The following BCAS3 variants were observed in gnomAD, a reference collection of about 807,000 sequenced individuals.
BCAS3 encodes BCAS3 microtubule associated cell migration factor, also known as BCAS4/BCAS3 fusion.
BCAS3 carries 53 observed loss-of-function variants against 116.1 expected under a neutral mutation model. The observed-to-expected ratio is 0.46, with a 90% CI of 0.37 to 0.57. The LOEUF (loss-of-function observed/expected upper bound fraction) is 0.57. Among genes scored for constraint, BCAS3 ranks in the 20% least tolerant of loss-of-function variants. BCAS3 has a pLI of 0.00. For synonymous variants in BCAS3, 391 were observed against 408.2 expected (o/e 0.96, Z 0.51); for missense variants, 917 against 1,165.4 (o/e 0.79, Z 3.10).
chr17:60,970,201 G>T (rs927931597), intron 14 of BCAS3, among the ~76,000 whole-genome samples: 2 of 152,142 alleles, frequency 1.3e-5, no homozygotes, highest in African/African-American at 2.4e-5. Context: ...GGGTGCTAGG[G>T]TGGAGGCAGG....
rs2063795729 is a variant in BCAS3, at chr17:60,995,696, T to G, written c.1486+5461T>G. 1.3e-5 allele frequency among the ~76,000 whole-genome samples: 2 copies of G among 152,208 alleles called. No individual in the cohort carries two copies. The highest frequency in any genetic ancestry group is 6.5e-5 in the Admixed American group (1 of 15,280). On this transcript the variant is annotated intron_variant, in intron 15 of 23. Coordinates refer to ENST00000407086, the MANE Select transcript of BCAS3 (RefSeq NM_017679.5). The surrounding 1 kb of genome is among the most constrained non-coding windows in gnomAD (Gnocchi z 4.7). ...ATAATTACTTGTTAGAATGAAGAGCTTTTTATTCATAGTAACAACTTAAAA... is the reference window on the plus strand; with the variant it reads ...ATAATTACTTGTTAGAATGAAGAGCGTTTTATTCATAGTAACAACTTAAAA...
intron 9 of BCAS3, among the ~76,000 whole-genome samples, chr17:60,878,256 C>T (rs553411456): frequency 1.3e-5 from 2 of 152,148 alleles, no homozygotes; most frequent in Non-Finnish European, 2.9e-5. Flanking sequence ...GTGATCTGCC[C>T]GCCTTGGCCT....
At chr17:60,797,233 A>G (rs762662212) in intron 6 of BCAS3, among the ~76,000 whole-genome samples, 4 of 152,102 alleles carry the variant, frequency 2.6e-5, no homozygotes, top group Admixed American at 2.6e-4. Context: ...ATCCGTTTCA[A>G]TATACCACAT....
chr17:61,329,343 A>AT (rs35909318), intron 22 of BCAS3, among the ~76,000 whole-genome samples: 42,105 of 130,848 alleles, frequency 0.32, 8,084 homozygotes, highest in East Asian at 0.51. Context: ...TATTATTATT[A>AT]TTTTTTTTTT....
chr17:61,288,338 G>A (rs1057046526), intron 22 of BCAS3, among the ~76,000 whole-genome samples: 2 of 152,158 alleles, frequency 1.3e-5, no homozygotes, highest in Non-Finnish European at 2.9e-5. Context: ...CTTGACCTGG[G>A]TGCTTGATTC....
intron 3 of BCAS3, among the ~76,000 whole-genome samples, chr17:60,686,026 C>T (rs1165966062): frequency 1.3e-5 from 2 of 151,980 alleles, no homozygotes; most frequent in African/African-American, 4.8e-5. Flanking sequence ...CCCACCGCCA[C>T]ACCTGTCTAA....
At chr17:61,341,387 G>A (rs777336729) in intron 22 of BCAS3, among the ~76,000 whole-genome samples, 7 of 152,176 alleles carry the variant, frequency 4.6e-5, no homozygotes, top group African/African-American at 7.2e-5. Context: ...CCCCAAATAC[G>A]GCAGTTTAGA....
Position 61,162,224 on chromosome 17 carries a change from C to T in BCAS3, c.2425+77660C>T, listed in dbSNP as rs967037918. Reference sequence around the variant, plus strand: ...AGTGATTGCAATGTGTATGGAGCCACGGTTCTTACAGGAGTGGGTATGGTT... The same window carrying T: ...AGTGATTGCAATGTGTATGGAGCCATGGTTCTTACAGGAGTGGGTATGGTT... On this transcript the variant is annotated intron_variant, in intron 22 of 23. Coordinates refer to ENST00000407086, the MANE Select transcript of BCAS3 (RefSeq NM_017679.5). The surrounding 1 kb of genome is among the most constrained non-coding windows in gnomAD (Gnocchi z 5.6). Among the ~76,000 whole-genome samples, 4 of 152,014 alleles carry T rather than the reference C, an allele frequency of 2.6e-5. No homozygotes were observed. The highest frequency in any genetic ancestry group is 5.9e-5 in the Non-Finnish European group (4 of 68,006).
chr17:61,058,571 T>C (rs1168542676), intron 19 of BCAS3, among the ~76,000 whole-genome samples: 2 of 152,324 alleles, frequency 1.3e-5, no homozygotes, highest in Non-Finnish European at 2.9e-5. Flanking sequence ...ACCAGTATTT[T>C]CTACGATGAA....
At chr17:60,790,111 AT>A (rs1385433128) in intron 6 of BCAS3, among the ~76,000 whole-genome samples, 1 of 152,156 alleles carries the variant, frequency 6.6e-6, no homozygotes, top group Non-Finnish European at 1.5e-5. Flanking sequence ...GTAGTTTAAA[AT>A]TTTAGCTTCT....
At position 61,243,518 on chromosome 17, in the gene BCAS3, G is replaced by A. The variant is rs1279773407; in HGVS notation, c.2426-124809G>A. On this transcript the variant is annotated intron_variant, in intron 22 of 23. Transcript: ENST00000407086. This position sits in a 1 kb window ranked among gnomAD's most constrained non-coding sequence, Gnocchi z 5.6. ...TATACACCCAGCAGTGGGACTGCTG[G>A]GTCATATGGTGGTTTTATTTTTAAT... 2.0e-5 allele frequency among the ~76,000 whole-genome samples: 3 copies of A among 152,086 alleles called. No homozygotes were observed. Among genetic ancestry groups the A allele is most frequent in the Non-Finnish European group, 4.4e-5 (3 of 68,026 alleles).
chr17:60,856,767 T>G (rs1479952082), intron 7 of BCAS3, among the ~76,000 whole-genome samples: 1 of 152,196 alleles, frequency 6.6e-6, no homozygotes, highest in Non-Finnish European at 1.5e-5. Context: ...GTCTTCTATA[T>G]TTATAATATT....
chr17:61,287,261 T>C (rs2051910237), intron 22 of BCAS3, among the ~76,000 whole-genome samples: 1 of 150,302 alleles, frequency 6.7e-6, no homozygotes, highest in South Asian at 2.1e-4. Context: ...AAAAAAACTC[T>C]ATGGAGTTGG....
intron 7 of BCAS3, among the ~76,000 whole-genome samples, chr17:60,845,954 A>G (rs1568369064): frequency 6.7e-6 from 1 of 148,374 alleles, no homozygotes; most frequent in South Asian, 2.1e-4. Context: ...TTTGAGACTT[A>G]GTCTCACTCT....
Position 60,961,938 on chromosome 17 carries a change from A to G in BCAS3, c.1221+14586A>G, listed in dbSNP as rs867739691. Reference sequence around the variant, plus strand: ...TTCCCACCTAGGAGTGAGATCATGCAACATTTCACTGTGCCTGGTTTGTTT... The same window carrying G: ...TTCCCACCTAGGAGTGAGATCATGCGACATTTCACTGTGCCTGGTTTGTTT... On this transcript the variant is annotated intron_variant, in intron 14 of 23. Coordinates refer to ENST00000407086, the MANE Select transcript of BCAS3 (RefSeq NM_017679.5). This position sits in a 1 kb window ranked among gnomAD's most constrained non-coding sequence, Gnocchi z 4.8. Among the ~76,000 whole-genome samples the G allele has an allele frequency of 6.6e-6, 1 of 152,172 alleles. No homozygotes were observed. Among genetic ancestry groups the G allele is most frequent in the African/African-American group, 2.4e-5 (1 of 41,448 alleles).
chr17:60,994,075 T>C lies in BCAS3; in HGVS notation c.1486+3840T>C, dbSNP rs886262332. Among the ~76,000 whole-genome samples, 16 of 152,114 alleles carry C rather than the reference T, an allele frequency of 1.1e-4. No homozygotes were observed. Among genetic ancestry groups the C allele is most frequent in the Non-Finnish European group, 2.1e-4 (14 of 67,994 alleles). ...TTAACCAAAAGTAAGCATTTCCTTT[T>C]TGTTATGAACATGGAAAATACATGA... is the stretch of plus-strand genomic sequence containing the variant. On this transcript the variant is annotated intron_variant, in intron 15 of 23. Coordinates refer to ENST00000407086, the MANE Select transcript of BCAS3 (RefSeq NM_017679.5). This position sits in a 1 kb window ranked among gnomAD's most constrained non-coding sequence, Gnocchi z 4.4.
At chr17:60,776,206 T>C (rs897675800) in intron 6 of BCAS3, among the ~76,000 whole-genome samples, 10 of 152,208 alleles carry the variant, frequency 6.6e-5, no homozygotes, top group Non-Finnish European at 1.3e-4. Flanking sequence ...ATTGACTCAG[T>C]TTTGTACTTT....
At chr17:60,810,458 C>A in intron 7 of BCAS3, 1 of 641,408 alleles carries the variant, frequency 1.6e-6, no homozygotes, top group South Asian at 1.4e-5. Flanking sequence ...CTGGACAGAG[C>A]AAGGAGCGTG....
chr17:60,714,931 T>G (rs2038389423), intron 5 of BCAS3, among the ~76,000 whole-genome samples: 1 of 152,170 alleles, frequency 6.6e-6, no homozygotes, highest in South Asian at 2.1e-4. Context: ...GATTGTTATG[T>G]GGGCGTTCCA....
Sources: allele counts gnomAD v4.1 joint callset (sites outside exome capture counted in the v4.1 genomes callset), GRCh38; gene constraint gnomAD v4.1.1; non-coding constraint Gnocchi (gnomAD v3.1); transcripts MANE v1.5; gene names NCBI Gene and HGNC (gene_info 2026-07-23, HGNC 2026-07-21).